KCNIP4: variants seen among roughly 807,000 people sequenced by gnomAD.
KCNIP4 encodes the protein potassium voltage-gated channel interacting protein 4.
In KCNIP4, 12 loss-of-function variants were observed where a neutral mutation model predicts 34.0. The observed-to-expected ratio is 0.35, with a 90% CI of 0.23 to 0.57. The LOEUF (loss-of-function observed/expected upper bound fraction) is 0.57. Among genes scored for constraint, KCNIP4 ranks in the 20% least tolerant of loss-of-function variants. The probability of loss-of-function intolerance (pLI) is 0.83; values close to 1 mark genes in which losing one functional copy is unlikely to be tolerated. For synonymous variants in KCNIP4, 124 were observed against 102.2 expected, an observed-to-expected ratio of 1.21 and a Z score of -1.29; for missense variants, 238 against 311.7, an observed-to-expected ratio of 0.76 and a Z score of 1.78.
chr4:20,966,680 G>T (rs1409746941), intron 1 of KCNIP4, among the ~76,000 whole-genome samples: 1 of 152,110 alleles, frequency 6.6e-6, no homozygotes, highest in Admixed American at 6.6e-5. Context: ...ACTTACAAAA[G>T]ATAAATATTC....
intron 1 of KCNIP4, among the ~76,000 whole-genome samples, chr4:21,806,887 T>G (rs1168898764): frequency 6.6e-6 from 1 of 152,104 alleles, no homozygotes; most frequent in Non-Finnish European, 1.5e-5. Flanking sequence ...GGGATAGTTG[T>G]GGGATGATTC....
intron 1 of KCNIP4, among the ~76,000 whole-genome samples, chr4:20,913,481 T>C (rs542905810): frequency 1.3e-5 from 2 of 152,286 alleles, no homozygotes; most frequent in African/African-American, 4.8e-5. Flanking sequence ...CATAACCTTG[T>C]GAATATACTA....
At chr4:21,600,361 CTT>C (rs1743009729) in intron 1 of KCNIP4, among the ~76,000 whole-genome samples, 1 of 151,912 alleles carries the variant, frequency 6.6e-6, no homozygotes, top group African/African-American at 2.4e-5. Context: ...TAAAGTTTTA[CTT>C]TTTTAATTGA....
chr4:21,304,063 G>GAC (rs1560272474), intron 1 of KCNIP4: 2 of 362,296 alleles, frequency 5.5e-6, no homozygotes, highest in Non-Finnish European at 7.1e-6. Context: ...GAGAGAGAGA[G>GAC]AGAGACAGAG....
At chr4:21,623,095 T>G (rs960787390) in intron 1 of KCNIP4, among the ~76,000 whole-genome samples, 9 of 152,204 alleles carry the variant, frequency 5.9e-5, no homozygotes, top group African/African-American at 1.7e-4. Context: ...AGTACTATGA[T>G]TTCCAATTAG....
intron 1 of KCNIP4, among the ~76,000 whole-genome samples, chr4:21,312,639 G>C (rs1027751212): frequency 7.2e-5 from 11 of 152,198 alleles, no homozygotes; most frequent in Admixed American, 3.9e-4. Context: ...ATTTTAAACA[G>C]ATTGGGAATA....
intron 1 of KCNIP4, chr4:21,697,410 G>C (rs200848297): frequency 6.4e-7 from 1 of 1,554,984 alleles, no homozygotes; most frequent in East Asian, 2.4e-5. Context: ...AGTATTTCAC[G>C]TTTACACCGC....
At chr4:20,857,766 T>C (rs1721759974) in intron 2 of KCNIP4, among the ~76,000 whole-genome samples, 1 of 152,138 alleles carries the variant, frequency 6.6e-6, no homozygotes, top group African/African-American at 2.4e-5. Flanking sequence ...TCAGAAAAGT[T>C]AACTGTATTC....
intron 1 of KCNIP4, among the ~76,000 whole-genome samples, chr4:21,545,106 G>T (rs538303326): frequency 6.6e-6 from 1 of 152,090 alleles, no homozygotes; most frequent in South Asian, 2.1e-4. Context: ...ACCTCTGGTC[G>T]TCCTCACTGC....
At chr4:21,728,497 C>T (rs189774621) in intron 1 of KCNIP4, among the ~76,000 whole-genome samples, 2 of 152,144 alleles carry the variant, frequency 1.3e-5, no homozygotes, top group Non-Finnish European at 2.9e-5. Flanking sequence ...TCTGCCCTTG[C>T]TGCCTTACAG....
chr4:21,379,555 GA>G (rs1365877658), intron 1 of KCNIP4, among the ~76,000 whole-genome samples: 2 of 152,238 alleles, frequency 1.3e-5, no homozygotes, highest in East Asian at 3.9e-4. Context: ...GCCTGTAAAT[GA>G]AATTCTCTCT....
intron 1 of KCNIP4, among the ~76,000 whole-genome samples, chr4:21,333,610 C>G (rs1715869899): frequency 6.6e-6 from 1 of 151,780 alleles, no homozygotes; most frequent in African/African-American, 2.4e-5. Context: ...TTCTATACTC[C>G]CAAAGCCATA....
At chr4:21,135,692 C>A (rs924134677) in intron 1 of KCNIP4, among the ~76,000 whole-genome samples, 1 of 152,052 alleles carries the variant, frequency 6.6e-6, no homozygotes, top group Non-Finnish European at 1.5e-5. Context: ...TTTGATTATT[C>A]AGAATATTTG....
At chr4:20,916,313 A>C in intron 1 of KCNIP4, 2 of 982,734 alleles carry the variant, frequency 2.0e-6, no homozygotes. Flanking sequence ...GGCTTTTTAG[A>C]AGTGTTTACC....
chr4:21,444,333 T>G (rs1478836477), intron 1 of KCNIP4, among the ~76,000 whole-genome samples: 1 of 152,152 alleles, frequency 6.6e-6, no homozygotes, highest in East Asian at 1.9e-4. Flanking sequence ...AAAAGAGAAT[T>G]TTAGACCAAT....
chr4:20,786,226 T>C (rs1711972760), intron 3 of KCNIP4, among the ~76,000 whole-genome samples: 1 of 152,100 alleles, frequency 6.6e-6, no homozygotes, highest in Non-Finnish European at 1.5e-5. Flanking sequence ...TACTCACTTA[T>C]ACATGAGAGT....
chr4:20,728,695 A>ATTTCAGTGTACATGTATT lies in KCNIP4; in HGVS notation c.*1369_*1386dup, dbSNP rs1364321139. The stretch of plus-strand genomic sequence containing the variant: ...AGTTTACACAAACACGTGATGGCAA[A>ATTTCAGTGTACATGTATT]TTTCAGTGTACATGTATTGTACTAC... On this transcript the variant is annotated 3_prime_UTR_variant, in exon 9 of 9. Coordinates refer to ENST00000382152, the MANE Select transcript of KCNIP4 (RefSeq NM_025221.6). 2 of 152,706 alleles carry ATTTCAGTGTACATGTATT rather than the reference A, an allele frequency of 1.3e-5. No homozygotes were observed. Among genetic ancestry groups the ATTTCAGTGTACATGTATT allele is most frequent in the South Asian group, 4.1e-4 (2 of 4,820 alleles). The allele number at this position is 152,706 out of a possible 1,614,324, so 9.5% of individuals were successfully genotyped here.
chr4:20,973,989 A>G (rs549617441), intron 1 of KCNIP4, among the ~76,000 whole-genome samples: 25 of 152,326 alleles, frequency 1.6e-4, no homozygotes, highest in Non-Finnish European at 3.4e-4. Context: ...AAAATGTTTG[A>G]AATACCGTAA....
At chr4:21,766,556 C>A (rs897280523) in intron 1 of KCNIP4, among the ~76,000 whole-genome samples, 2 of 152,092 alleles carry the variant, frequency 1.3e-5, no homozygotes, top group African/African-American at 4.8e-5. Flanking sequence ...GACTGGTGAA[C>A]CTAAAATTTT....
Sources: allele counts gnomAD v4.1 joint callset (sites outside exome capture counted in the v4.1 genomes callset), GRCh38; gene constraint gnomAD v4.1.1; transcripts MANE v1.5; gene names NCBI Gene and HGNC (gene_info 2026-07-23, HGNC 2026-07-21).